STAC: variants seen among roughly 807,000 people sequenced by gnomAD.
STAC encodes SH3 and cysteine rich domain.
A neutral mutation model predicts 48.8 loss-of-function variants in STAC; 43 were observed. The ratio of observed to expected loss-of-function variants is 0.88; its 90% CI spans 0.69 to 1.14. The LOEUF (loss-of-function observed/expected upper bound fraction) is 1.14. Among genes scored for constraint, STAC ranks in the 50% most tolerant of loss-of-function variants. The pLI, the probability that STAC is intolerant of heterozygous loss-of-function variation, is 0.00. For missense variants in STAC, 497 were observed against 504.0 expected, an observed-to-expected ratio of 0.99 and a Z score of 0.13; for synonymous variants, 193 against 179.5, an observed-to-expected ratio of 1.07 and a Z score of -0.60.
At chr3:36,470,742 G>A (rs1697310426) in intron 2 of STAC, among the ~76,000 whole-genome samples, 1 of 152,216 alleles carries the variant, frequency 6.6e-6, no homozygotes, top group Non-Finnish European at 1.5e-5. Context: ...AGTGGGATCT[G>A]CAAGCTAGTC....
chr3:36,427,834 T>G (rs1186862825), intron 1 of STAC, among the ~76,000 whole-genome samples: 1 of 152,162 alleles, frequency 6.6e-6, no homozygotes. Context: ...CTAATAATGA[T>G]GTACCCAGAG....
At chr3:36,477,999 T>C (rs1697537409) in intron 2 of STAC, among the ~76,000 whole-genome samples, 1 of 152,224 alleles carries the variant, frequency 6.6e-6, no homozygotes, top group South Asian at 2.1e-4. Context: ...CAACAGAAAC[T>C]GTCTCGTCCC....
At chr3:36,389,969 T>TG (rs1212611526) in intron 1 of STAC, among the ~76,000 whole-genome samples, 1 of 121,928 alleles carries the variant, frequency 8.2e-6, no homozygotes, top group Non-Finnish European at 1.8e-5. Context: ...CTCTTTCATT[T>TG]GGGGGGGAAG....
At chr3:36,445,746 C>A (rs1444039825) in intron 2 of STAC, among the ~76,000 whole-genome samples, 1 of 152,118 alleles carries the variant, frequency 6.6e-6, no homozygotes, top group Non-Finnish European at 1.5e-5. Context: ...GCTATTATCC[C>A]CTTAGAATGA....
chr3:36,539,363 A>ACC (rs1699269333), intron 10 of STAC, among the ~76,000 whole-genome samples: 1 of 150,902 alleles, frequency 6.6e-6, no homozygotes, highest in Non-Finnish European at 1.5e-5. Flanking sequence ...CCCACCCTTC[A>ACC]CCCCCTAAAA....
At chr3:36,468,720 T>C (rs1010559450) in intron 2 of STAC, among the ~76,000 whole-genome samples, 1 of 146,670 alleles carries the variant, frequency 6.8e-6, no homozygotes, top group African/African-American at 2.5e-5. Flanking sequence ...ATAAAATACA[T>C]ATATATGTAT....
intron 1 of STAC, among the ~76,000 whole-genome samples, chr3:36,427,175 T>C (rs977491098): frequency 6.6e-6 from 1 of 152,198 alleles, no homozygotes; most frequent in African/African-American, 2.4e-5. Flanking sequence ...CTCAATCATG[T>C]CCCACTCTGG....
intron 1 of STAC, among the ~76,000 whole-genome samples, chr3:36,393,948 G>A (rs1348502362): frequency 2.0e-5 from 3 of 152,106 alleles, no homozygotes; most frequent in Non-Finnish European, 2.9e-5. Context: ...CATGAGTTGT[G>A]TGAAGATCTA....
chr3:36,512,170 T>C (rs753290162), intron 8 of STAC, among the ~76,000 whole-genome samples: 1 of 152,158 alleles, frequency 6.6e-6, no homozygotes, highest in Non-Finnish European at 1.5e-5. Flanking sequence ...AAAATCGTCA[T>C]GCTGAACTCA....
At chr3:36,536,771 C>G (rs1386799979) in intron 10 of STAC, among the ~76,000 whole-genome samples, 1 of 151,704 alleles carries the variant, frequency 6.6e-6, no homozygotes, top group Non-Finnish European at 1.5e-5. Context: ...TTATTGCAAT[C>G]TACCCATATG....
intron 1 of STAC, among the ~76,000 whole-genome samples, chr3:36,412,874 A>T (rs1289678517): frequency 6.6e-6 from 1 of 152,152 alleles, no homozygotes; most frequent in Non-Finnish European, 1.5e-5. Flanking sequence ...AAATAGACTT[A>T]ATCCAATCTA....
intron 1 of STAC, among the ~76,000 whole-genome samples, chr3:36,423,181 T>C (rs572478908): frequency 1.3e-5 from 2 of 152,192 alleles, no homozygotes; most frequent in East Asian, 3.9e-4. Flanking sequence ...AGTAGGCATA[T>C]ACACAGGCTT....
intron 1 of STAC, among the ~76,000 whole-genome samples, chr3:36,407,572 C>T (rs1559480112): frequency 6.6e-6 from 1 of 152,000 alleles, no homozygotes; most frequent in Non-Finnish European, 1.5e-5. Context: ...AGTCACTGCA[C>T]ATTTGATGGG....
chr3:36,503,135 A>G (rs1575245035), intron 6 of STAC, among the ~76,000 whole-genome samples: 1 of 152,240 alleles, frequency 6.6e-6, no homozygotes, highest in African/African-American at 2.4e-5. Flanking sequence ...CTGAAGGGAA[A>G]TCAAAGAGAA....
intron 1 of STAC, among the ~76,000 whole-genome samples, chr3:36,407,409 T>C (rs1700106590): frequency 6.6e-6 from 1 of 152,202 alleles, no homozygotes; most frequent in South Asian, 2.1e-4. Flanking sequence ...AATTAATTGG[T>C]AGAAGCCAGA....
chr3:36,495,991 C>T (rs1575240208), intron 6 of STAC, among the ~76,000 whole-genome samples: 1 of 152,296 alleles, frequency 6.6e-6, no homozygotes, highest in Admixed American at 6.5e-5. Context: ...AATTCCCTCC[C>T]CTTCAATACA....
chr3:36,480,883 GAC>G (rs1171169344), intron 2 of STAC, among the ~76,000 whole-genome samples: 1 of 152,164 alleles, frequency 6.6e-6, no homozygotes, highest in Non-Finnish European at 1.5e-5. Flanking sequence ...CAAATTAACA[GAC>G]ACAGTCCTTA....
At chr3:36,448,112 GCA>G (rs1266123961) in intron 2 of STAC, among the ~76,000 whole-genome samples, 1 of 151,998 alleles carries the variant, frequency 6.6e-6, no homozygotes, top group Non-Finnish European at 1.5e-5. Context: ...TCTCTTCTTT[GCA>G]CATTCGGCCC....
intron 8 of STAC, among the ~76,000 whole-genome samples, chr3:36,507,095 A>G (rs1698421033): frequency 6.6e-6 from 1 of 151,654 alleles, no homozygotes. Context: ...TTGTCCTTCC[A>G]TCAATACTTA....
Sources: gnomAD v4.1 joint callset for allele counts (sites outside exome capture counted in the v4.1 genomes callset) on GRCh38, gnomAD v4.1.1 for gene constraint, MANE v1.5 for transcripts, NCBI Gene and HGNC (gene_info 2026-07-23, HGNC 2026-07-21) for gene names.